SYT1: variants seen among roughly 807,000 people sequenced by gnomAD.
SYT1 encodes the protein synaptotagmin 1, also known as synaptotagmin-1.
Under a neutral mutation model 44.8 loss-of-function variants are expected in SYT1, and 8 were observed. The observed-to-expected ratio is 0.18, with a 90% CI of 0.10 to 0.32. The LOEUF is 0.32. Among genes scored for constraint, SYT1 ranks in the 10% least tolerant of loss-of-function variants. The pLI is 1.00. For missense variants in SYT1, 286 were observed against 509.3 expected, an observed-to-expected ratio of 0.56 and a Z score of 4.22; for synonymous variants, 154 against 188.8, an observed-to-expected ratio of 0.82 and a Z score of 1.51.
chr12:78,936,972 T>A (rs180788453), intron 1 of SYT1, among the ~76,000 whole-genome samples: 1 of 152,304 alleles, frequency 6.6e-6, no homozygotes, highest in Non-Finnish European at 1.5e-5. Context: ...TCCTTAATGA[T>A]GACATTTCAA....
At chr12:79,047,578 T>TG (rs1874163864) in intron 3 of SYT1, among the ~76,000 whole-genome samples, 1 of 151,882 alleles carries the variant, frequency 6.6e-6, no homozygotes, top group African/African-American at 2.4e-5. Context: ...GATACATTTA[T>TG]GGGGCAGAAA....
intron 4 of SYT1, among the ~76,000 whole-genome samples, chr12:79,247,520 A>G (rs1023391461): frequency 4.6e-5 from 7 of 152,212 alleles, no homozygotes; most frequent in Admixed American, 3.9e-4. Context: ...TTTATGGGAA[A>G]TTATTAAGAA....
chr12:79,111,699 C>T (rs1336178829), intron 3 of SYT1, among the ~76,000 whole-genome samples: 1 of 151,236 alleles, frequency 6.6e-6, no homozygotes, highest in Non-Finnish European at 1.5e-5. Flanking sequence ...ACCTGAGACA[C>T]AGAGAAGCTA....
intron 3 of SYT1, among the ~76,000 whole-genome samples, chr12:79,065,386 G>C (rs976809286): frequency 3.3e-5 from 5 of 152,078 alleles, no homozygotes; most frequent in African/African-American, 1.2e-4. Flanking sequence ...GCGAGACTCT[G>C]TCCCAAAAGA....
intron 3 of SYT1, among the ~76,000 whole-genome samples, chr12:79,101,454 T>C (rs867694400): frequency 1.3e-5 from 2 of 152,136 alleles, no homozygotes; most frequent in Non-Finnish European, 2.9e-5. Context: ...AGTAGAGTGC[T>C]GAAGGAAGGG....
intron 1 of SYT1, among the ~76,000 whole-genome samples, chr12:78,925,707 G>T (rs1877266934): frequency 6.6e-6 from 1 of 151,652 alleles, no homozygotes; most frequent in Admixed American, 6.6e-5. Context: ...ACATATTTAG[G>T]TCTCAAAAAA....
chr12:79,348,275 T>C (rs920397155), intron 8 of SYT1, among the ~76,000 whole-genome samples: 1 of 152,214 alleles, frequency 6.6e-6, no homozygotes, highest in Non-Finnish European at 1.5e-5. Context: ...ATTATGAGGC[T>C]ATTACAGAGG....
chr12:79,202,988 C>T (rs1271705850), intron 3 of SYT1, among the ~76,000 whole-genome samples: 1 of 151,944 alleles, frequency 6.6e-6, no homozygotes, highest in Non-Finnish European at 1.5e-5. Context: ...ATCTCTTAGA[C>T]CTATTGGGAA....
intron 1 of SYT1, among the ~76,000 whole-genome samples, chr12:78,878,138 T>A (rs1874270872): frequency 6.6e-6 from 1 of 151,054 alleles, no homozygotes; most frequent in Non-Finnish European, 1.5e-5. Flanking sequence ...TATTGCACTC[T>A]TTTTTGTGTG....
At chr12:78,929,339 T>A (rs1592571128) in intron 1 of SYT1, among the ~76,000 whole-genome samples, 1 of 134,630 alleles carries the variant, frequency 7.4e-6, no homozygotes, top group African/African-American at 2.8e-5. Flanking sequence ...GAGGCAGAGG[T>A]TTCAATGAGT....
intron 1 of SYT1, among the ~76,000 whole-genome samples, chr12:78,917,139 A>G (rs1876701064): frequency 1.3e-5 from 2 of 152,038 alleles, no homozygotes; most frequent in Non-Finnish European, 2.9e-5. Flanking sequence ...GTTCTTTCCT[A>G]TATTGAGTTG....
intron 3 of SYT1, among the ~76,000 whole-genome samples, chr12:79,102,268 CTT>C (rs1475988545): frequency 1.4e-5 from 2 of 147,150 alleles, no homozygotes; most frequent in African/African-American, 5.1e-5. Context: ...CTCTCTCTCT[CTT>C]TCTCTCTCTC....
chr12:79,147,021 A>G (rs563263322), intron 3 of SYT1, among the ~76,000 whole-genome samples: 5 of 152,034 alleles, frequency 3.3e-5, no homozygotes, highest in Non-Finnish European at 7.4e-5. Context: ...TTGTATTTTT[A>G]GTAGAGAAGG....
intron 4 of SYT1, among the ~76,000 whole-genome samples, chr12:79,223,410 G>A (rs1429212989): frequency 1.3e-5 from 2 of 152,182 alleles, no homozygotes; most frequent in Admixed American, 6.5e-5. Flanking sequence ...CAAATGGAAA[G>A]ACACTAAGGT....
chr12:79,064,153 A>T (rs575384383), intron 3 of SYT1, among the ~76,000 whole-genome samples: 1 of 152,064 alleles, frequency 6.6e-6, no homozygotes, highest in Admixed American at 6.6e-5. Flanking sequence ...ACACTCAGAG[A>T]ATGTTTAAAG....
chr12:79,135,333 T>C (rs1869122528), intron 3 of SYT1, among the ~76,000 whole-genome samples: 1 of 146,550 alleles, frequency 6.8e-6, no homozygotes, highest in African/African-American at 2.5e-5. Flanking sequence ...AATTCCCACC[T>C]ATGAGTGAGA....
intron 2 of SYT1, among the ~76,000 whole-genome samples, chr12:79,046,863 C>G (rs189402008): frequency 6.6e-6 from 1 of 151,904 alleles, no homozygotes; most frequent in East Asian, 1.9e-4. Flanking sequence ...AAATATAAAA[C>G]TTAAAAGTAA....
chr12:79,308,546 A>AAGAAAGAC (rs140848209), intron 8 of SYT1, among the ~76,000 whole-genome samples: 9 of 148,594 alleles, frequency 6.1e-5, no homozygotes, highest in South Asian at 2.2e-4. Context: ...GAAAGAAAGA[A>AAGAAAGAC]AGAAAAAAGA....
At chr12:79,106,451 A>T (rs138684960) in intron 3 of SYT1, among the ~76,000 whole-genome samples, 1 of 152,128 alleles carries the variant, frequency 6.6e-6, no homozygotes, top group Non-Finnish European at 1.5e-5. Flanking sequence ...TTTAACTCAG[A>T]TATTCAGTTT....
Sources: gnomAD v4.1 joint callset for allele counts (sites outside exome capture counted in the v4.1 genomes callset) on GRCh38, gnomAD v4.1.1 for gene constraint, MANE v1.5 for transcripts, NCBI Gene and HGNC (gene_info 2026-07-23, HGNC 2026-07-21) for gene names.